The following CCT5 variants were observed in gnomAD, a reference collection of about 807,000 sequenced individuals.
CCT5 encodes the protein chaperonin containing TCP1 subunit 5.
CCT5 carries 6 observed loss-of-function variants against 55.0 expected under a neutral mutation model. The observed-to-expected ratio is 0.11, with a 90% CI of 0.06 to 0.22. CCT5 has a LOEUF of 0.22. Ranked by LOEUF, CCT5 falls within the 10% of genes least tolerant of loss-of-function variation. The pLI, the probability that CCT5 is intolerant of heterozygous loss-of-function variation, is 1.00. For synonymous variants in CCT5, 231 were observed against 243.7 expected, an observed-to-expected ratio of 0.95 and a Z score of 0.49; for missense variants, 560 against 694.6, an observed-to-expected ratio of 0.81 and a Z score of 2.18.
rs1374717436 is a variant in CCT5 at position 10,255,493 on chromosome 5, A to G, written c.332-462A>G. On this transcript the variant is annotated intron_variant, in intron 3 of 10. Transcript: ENST00000280326. ...ATTTATTGGATACTATTGTATGCCAAGCACTGTTCTCGGTGCGCTTGGAGA... is the reference window on the plus strand; with the variant it reads ...ATTTATTGGATACTATTGTATGCCAGGCACTGTTCTCGGTGCGCTTGGAGA... 2.0e-5 allele frequency among the ~76,000 whole-genome samples: 3 copies of G among 152,024 alleles called. No individual in the cohort carries two copies. The East Asian group carries it at 5.8e-4, about 29-fold the overall frequency.
In CCT5 at chr5:10,252,735, T is replaced by C. The variant is rs138134113; in HGVS notation, c.106-1410T>C. Among the ~76,000 whole-genome samples the C allele has an allele frequency of 1.9e-3, 292 of 152,282 alleles. 1 individual carries two copies. Among genetic ancestry groups the C allele is most frequent in the African/African-American group, 6.8e-3 (282 of 41,572 alleles). ...GGCCAGCCAGCATAATTCTGTTTTATCCATAATATGTATTATGCCTTGATG... is the reference window on the plus strand; with the variant it reads ...GGCCAGCCAGCATAATTCTGTTTTACCCATAATATGTATTATGCCTTGATG... On this transcript the variant is annotated intron_variant, in intron 1 of 10. Transcript: ENST00000280326.
At chr5:10,255,317 G>A (rs989128077) in intron 3 of CCT5, among the ~76,000 whole-genome samples, 1 of 128,026 alleles carries the variant, frequency 7.8e-6, no homozygotes, top group African/African-American at 2.6e-5. Context: ...AGAAAATGTG[G>A]CAAAATGTTA....
chr5:10,260,230 C>T (rs192739194), intron 6 of CCT5, among the ~76,000 whole-genome samples: 2 of 152,222 alleles, frequency 1.3e-5, no homozygotes, highest in East Asian at 1.9e-4. Flanking sequence ...GCAGCCTGAT[C>T]GTTGCCCTCC....
In CCT5 at chr5:10,254,749, T is replaced by C. The variant is rs754960953; in HGVS notation, c.242T>C (p.Met81Thr). The stretch of plus-strand genomic sequence containing the variant: ...GATGGGGCCACCATCTTAAGCATGA[T>C]GGATGTTGATCATCAGATTGCCAAG... ...TNDGATILSM[M>T]DVDHQIAKLM... The change falls in exon 3 of 11, where the codon ATG becomes ACG. Residue 81 changes from methionine to threonine, a missense_variant. By Grantham distance (81) the Met-to-Thr change is moderately conservative. This residue lies in a region of CCT5 where 137 missense variants were observed against 181.9 expected (regional missense o/e 0.75). Coordinates refer to ENST00000280326, the MANE Select transcript of CCT5 (RefSeq NM_012073.5). 4 of 1,613,610 alleles carry C rather than the reference T, an allele frequency of 2.5e-6. No individual in the cohort carries two copies. Among genetic ancestry groups the C allele is most frequent in the Admixed American group, 1.7e-5 (1 of 60,028 alleles).
rs903114794 is a variant in CCT5 at position 10,264,646 on chromosome 5, T to G, written c.1499-10T>G. Reference sequence around the variant, plus strand: ...TATTTTAGGATAATCAGTGTCCTTGTATTTTTCAGATATGAAGCAACAGCA... The same window carrying G: ...TATTTTAGGATAATCAGTGTCCTTGGATTTTTCAGATATGAAGCAACAGCA... On this transcript the variant is annotated splice_polypyrimidine_tract_variant and intron_variant, in intron 10 of 10. Transcript: ENST00000280326. The G allele has an allele frequency of 8.2e-6, 13 of 1,577,276 alleles. No homozygotes were observed. Among genetic ancestry groups the G allele is most frequent in the Non-Finnish European group, 1.1e-5 (13 of 1,146,600 alleles).
intron 1 of CCT5, among the ~76,000 whole-genome samples, chr5:10,253,301 C>G (rs745624697): frequency 6.7e-6 from 1 of 149,076 alleles, no homozygotes; most frequent in Non-Finnish European, 1.5e-5. Context: ...TGCACTCCAG[C>G]CTTTTTGAGA....
intron 1 of CCT5, among the ~76,000 whole-genome samples, chr5:10,252,138 T>A (rs1033202343): frequency 6.6e-6 from 1 of 152,188 alleles, no homozygotes; most frequent in African/African-American, 2.4e-5. Context: ...GGGAGCTCAT[T>A]TGGACAGTAA....
At chr5:10,257,960 C>A in intron 4 of CCT5, 151 bp from the exon 5 acceptor site, 1 of 785,260 alleles carries the variant, frequency 1.3e-6, no homozygotes, top group Non-Finnish European at 2.2e-6. Context: ...CTGCCCCAGA[C>A]TGTTGAAAAT....
At chr5:10,261,302 A>T in intron 7 of CCT5, 1 of 524,766 alleles carries the variant, frequency 1.9e-6, no homozygotes. Context: ...CAGATGGGAG[A>T]TGAGGGTATG....
At chr5:10,252,460 C>T (rs1016546986) in intron 1 of CCT5, among the ~76,000 whole-genome samples, 11 of 143,300 alleles carry the variant, frequency 7.7e-5, no homozygotes, top group Non-Finnish European at 1.5e-4. Flanking sequence ...CTTAAAAATG[C>T]AGGCATTGAC....
rs147873383 is a variant in CCT5, at chr5:10,254,851, A to G, written c.331+13A>G. 12 of 1,610,158 alleles carry G rather than the reference A, an allele frequency of 7.5e-6. No homozygotes were observed. In the East Asian group the frequency reaches 1.6e-4, roughly 21 times the overall value. Reference sequence around the variant, plus strand: ...ACAGGAGTGGTTGGTAAGAAAAGACAAAACATCCTTTCTCATTTAAGAGAC... The same window carrying G: ...ACAGGAGTGGTTGGTAAGAAAAGACGAAACATCCTTTCTCATTTAAGAGAC... On this transcript the variant is annotated intron_variant, in intron 3 of 10. Coordinates refer to ENST00000280326, the MANE Select transcript of CCT5 (RefSeq NM_012073.5).
chr5:10,254,891 C>G (rs576139612), intron 3 of CCT5, 53 bp downstream of exon 3: 221 of 1,448,748 alleles, frequency 1.5e-4, no homozygotes, highest in Non-Finnish European at 1.9e-4. Flanking sequence ...TTTAAGACCA[C>G]AGGGCTAACA....
chr5:10,261,144 T>G lies in CCT5; in HGVS notation c.993+233T>G, dbSNP rs545658651. The G allele has an allele frequency of 1.1e-5, 6 of 565,030 alleles. No individual in the cohort carries two copies. In the Admixed American group the frequency reaches 1.6e-4, roughly 15 times the overall value. The allele number at this position is 565,030 out of a possible 1,614,324, so 35.0% of individuals were successfully genotyped here. On this transcript the variant is annotated intron_variant, in intron 7 of 10. Coordinates refer to ENST00000280326, the MANE Select transcript of CCT5 (RefSeq NM_012073.5). The stretch of plus-strand genomic sequence containing the variant: ...AATTCTCTCCCTGTGTTGTCTCACT[T>G]GGCCCTGTCGTTGACTTACTAAGGC...
chr5:10,263,097 C>A, intron 9 of CCT5, 37 bp from the exon 10 acceptor site: 2 of 1,594,094 alleles, frequency 1.3e-6, no homozygotes, highest in Non-Finnish European at 1.7e-6. Flanking sequence ...TGTTTTGTTT[C>A]GCCAAGTGCA....
intron 10 of CCT5, 41 bp from the exon 11 acceptor site, chr5:10,264,615 G>C: frequency 7.9e-7 from 1 of 1,261,742 alleles, no homozygotes; most frequent in South Asian, 1.2e-5. Flanking sequence ...ATAGTTTATT[G>C]TATGCTATTT....
At chr5:10,253,648 T>A (rs952486062) in intron 1 of CCT5, among the ~76,000 whole-genome samples, 1 of 152,228 alleles carries the variant, frequency 6.6e-6, no homozygotes, top group African/African-American at 2.4e-5. Context: ...CCTCCTTGTC[T>A]GCAGATGGGG....
chr5:10,256,781 T>C (rs7710938), intron 4 of CCT5, among the ~76,000 whole-genome samples: 112,296 of 152,002 alleles, frequency 0.74, 43,672 homozygotes, highest in East Asian at 0.87. Flanking sequence ...TGGGGAGCCA[T>C]TGGGGGTGGG....
At chr5:10,257,761 A>G (rs1745754696) in intron 4 of CCT5, 2 of 349,500 alleles carry the variant, frequency 5.7e-6, no homozygotes, top group South Asian at 4.9e-5. Context: ...CTTGTAAAAT[A>G]GTAACAGTAT....
chr5:10,250,684 C>G (rs756544410), intron 1 of CCT5: 6 of 1,387,552 alleles, frequency 4.3e-6, no homozygotes, highest in Non-Finnish European at 5.6e-6. Flanking sequence ...CCCTTCGGAG[C>G]TGGGTGGGGC....
Sources: allele counts gnomAD v4.1 joint callset (sites outside exome capture counted in the v4.1 genomes callset), GRCh38; gene constraint gnomAD v4.1.1; regional missense constraint gnomAD v4.1.1; transcripts MANE v1.5; gene names NCBI Gene and HGNC (gene_info 2026-07-23, HGNC 2026-07-21).